CHN1: variants seen among roughly 807,000 people sequenced by gnomAD.
CHN1 encodes chimerin 1.
In CHN1, 37 loss-of-function variants were observed where a neutral mutation model predicts 59.5. That is an observed-to-expected ratio of 0.62 (90% CI 0.48 to 0.82). The LOEUF (loss-of-function observed/expected upper bound fraction) is 0.82, where lower values mean the gene tolerates loss of function less well. CHN1 is among the 40% of genes least tolerant of loss of function. CHN1 has a pLI of 0.00. For missense variants in CHN1, 469 were observed against 571.0 expected (o/e 0.82, Z 1.82); for synonymous variants, 206 against 200.4 (o/e 1.03, Z -0.24).
rs991312747 is a variant in CHN1 at position 174,950,768 on chromosome 2, T to C, written c.58+1396A>G. ...TAAAGATAAACTGAAAACCAGAAAATGCAGAGAAGTTTTTTTTTTTTTTTT... is the reference window on the plus strand; with the variant it reads ...TAAAGATAAACTGAAAACCAGAAAACGCAGAGAAGTTTTTTTTTTTTTTTT... On this transcript the variant is annotated intron_variant, in intron 2 of 12. Coordinates refer to ENST00000409900, the MANE Select transcript of CHN1 (RefSeq NM_001822.7). 2.7e-4 allele frequency among the ~76,000 whole-genome samples: 40 copies of C among 149,778 alleles called. 1 individual carries two copies. Among genetic ancestry groups the C allele is most frequent in the African/African-American group, 9.7e-4 (39 of 40,410 alleles).
chr2:174,972,626 T>C (rs951095182), intron 1 of CHN1, among the ~76,000 whole-genome samples: 1 of 152,072 alleles, frequency 6.6e-6, no homozygotes, highest in African/African-American at 2.4e-5. Flanking sequence ...ATTCAGACAA[T>C]GGAAGTTGGA....
At chr2:174,868,234 A>G (rs1687291496) in intron 6 of CHN1, among the ~76,000 whole-genome samples, 3 of 152,220 alleles carry the variant, frequency 2.0e-5, no homozygotes, top group Admixed American at 1.3e-4. Context: ...TTGCTCACAA[A>G]TATCACCTAC....
intron 12 of CHN1, among the ~76,000 whole-genome samples, chr2:174,800,597 T>A (rs1684688753): frequency 6.6e-6 from 1 of 152,218 alleles, no homozygotes; most frequent in African/African-American, 2.4e-5. Context: ...AACCTACATT[T>A]GCAAATAGCT....
At chr2:174,976,505 C>G (rs1269985393) in intron 1 of CHN1, among the ~76,000 whole-genome samples, 1 of 152,134 alleles carries the variant, frequency 6.6e-6, no homozygotes, top group African/African-American at 2.4e-5. Flanking sequence ...TCCCAAAGTG[C>G]TGGATTACAG....
intron 3 of CHN1, among the ~76,000 whole-genome samples, chr2:174,930,609 G>A (rs192708638): frequency 1.7e-4 from 26 of 152,248 alleles, no homozygotes; most frequent in African/African-American, 6.3e-4. Flanking sequence ...TCTGCATAAG[G>A]CAAATATCTG....
intron 1 of CHN1, among the ~76,000 whole-genome samples, chr2:174,973,128 TAGAA>T (rs1227028887): frequency 2.6e-5 from 4 of 152,164 alleles, no homozygotes; most frequent in African/African-American, 9.7e-5. Context: ...GTCTAAGAGT[TAGAA>T]AGAGAATGCT....
chr2:174,889,507 C>G (rs1261053012), intron 5 of CHN1, among the ~76,000 whole-genome samples: 1 of 151,742 alleles, frequency 6.6e-6, no homozygotes, highest in African/African-American at 2.4e-5. Context: ...AAATGCATGA[C>G]AAAATAAAAT....
intron 6 of CHN1, among the ~76,000 whole-genome samples, chr2:174,873,979 G>A (rs1687484740): frequency 6.6e-6 from 1 of 152,132 alleles, no homozygotes; most frequent in Admixed American, 6.5e-5. Flanking sequence ...TTAGATCTTA[G>A]ATAACAAAAT....
intron 6 of CHN1, among the ~76,000 whole-genome samples, chr2:174,871,881 A>G (rs1687420699): frequency 6.6e-6 from 1 of 152,240 alleles, no homozygotes. Flanking sequence ...GGAGGCATAC[A>G]ATAAATGCTG....
intron 6 of CHN1, among the ~76,000 whole-genome samples, chr2:174,874,023 A>G (rs1687485617): frequency 6.6e-6 from 1 of 152,240 alleles, no homozygotes; most frequent in Non-Finnish European, 1.5e-5. Context: ...AGATTCAGAG[A>G]TCTGGCTCAC....
intron 1 of CHN1, among the ~76,000 whole-genome samples, chr2:174,978,960 TCAAA>T (rs1267181446): frequency 1.3e-5 from 2 of 152,232 alleles, no homozygotes; most frequent in Non-Finnish European, 2.9e-5. Context: ...CATCCATTCA[TCAAA>T]CATGTATTAA....
intron 3 of CHN1, among the ~76,000 whole-genome samples, chr2:174,941,198 C>T (rs886664492): frequency 2.0e-5 from 3 of 152,044 alleles, no homozygotes; most frequent in Admixed American, 6.6e-5. Context: ...TTTTTGAGCA[C>T]GTTCTTGCTT....
intron 6 of CHN1, among the ~76,000 whole-genome samples, chr2:174,865,753 T>A (rs1257174977): frequency 1.3e-5 from 2 of 152,184 alleles, no homozygotes; most frequent in African/African-American, 4.8e-5. Flanking sequence ...AGTATTCACG[T>A]CTATACTTAA....
At chr2:174,869,203 G>A (rs6706735) in intron 6 of CHN1, among the ~76,000 whole-genome samples, 6 of 152,142 alleles carry the variant, frequency 3.9e-5, no homozygotes, top group African/African-American at 1.4e-4. Flanking sequence ...CTGATTAAAA[G>A]GTGAAGACTC....
chr2:174,869,385 TAATA>T (rs1558959826), intron 6 of CHN1, among the ~76,000 whole-genome samples: 1 of 152,118 alleles, frequency 6.6e-6, no homozygotes, highest in African/African-American at 2.4e-5. Context: ...GATATGCTTA[TAATA>T]AATAAAAAGA....
intron 5 of CHN1, among the ~76,000 whole-genome samples, chr2:174,900,803 C>A (rs1252496119): frequency 6.8e-6 from 1 of 148,094 alleles, no homozygotes; most frequent in African/African-American, 2.5e-5. Context: ...GAAACTCCAT[C>A]TCAAAAAAAA....
At chr2:174,992,340 G>C (rs3771922) in intron 1 of CHN1, among the ~76,000 whole-genome samples, 1 of 152,144 alleles carries the variant, frequency 6.6e-6, no homozygotes, top group African/African-American at 2.4e-5. Flanking sequence ...TCATTCACAC[G>C]GTGTTCACTG....
chr2:174,908,687 C>A (rs559186302), intron 5 of CHN1, among the ~76,000 whole-genome samples: 1 of 152,160 alleles, frequency 6.6e-6, no homozygotes, highest in Admixed American at 6.5e-5. Flanking sequence ...TCTTTCTTGA[C>A]CCACTTGAAT....
intron 1 of CHN1, among the ~76,000 whole-genome samples, chr2:174,955,964 A>G (rs1372523213): frequency 6.6e-6 from 1 of 152,204 alleles, no homozygotes; most frequent in African/African-American, 2.4e-5. Context: ...CAGGACCTGT[A>G]CTCCAAACCT....
Sources: allele counts gnomAD v4.1 joint callset (sites outside exome capture counted in the v4.1 genomes callset), GRCh38; gene constraint gnomAD v4.1.1; transcripts MANE v1.5; gene names NCBI Gene and HGNC (gene_info 2026-07-23, HGNC 2026-07-21).